ZNF227: variants seen among roughly 807,000 people sequenced by gnomAD.
ZNF227 encodes zinc finger protein 227.
Under a neutral mutation model 13.2 loss-of-function variants are expected in ZNF227, and 12 were observed. That is an observed-to-expected ratio of 0.91 (90% CI 0.58 to 1.47). The LOEUF is 1.47. ZNF227 is among the 40% of genes most tolerant of loss of function. The pLI is 0.00. For missense variants in ZNF227, 885 were observed against 967.5 expected (o/e 0.91, Z 1.13); for synonymous variants, 338 against 326.0 (o/e 1.04, Z -0.40).
chr19:44,213,255 T>G lies in ZNF227; in HGVS notation c.-3+11T>G, dbSNP rs1971516917. On this transcript the variant is annotated intron_variant, in intron 2 of 5. Transcript: ENST00000313040. ...CCAGCATAGCCCCAGGTACCTGCTC[T>G]TGAACGCACTTTGTTGTTCCATTTT... 1 of 152,236 alleles carries G rather than the reference T, an allele frequency of 6.6e-6. No individual in the cohort carries two copies. Among genetic ancestry groups the G allele is most frequent in the African/African-American group, 2.4e-5 (1 of 41,468 alleles). The allele number at this position is 152,236 out of a possible 1,614,324, so 9.4% of individuals were successfully genotyped here.
upstream of ZNF227, among the ~76,000 whole-genome samples, chr19:44,208,798 T>A (rs1016527773): frequency 6.6e-5 from 10 of 152,210 alleles, no homozygotes; most frequent in Non-Finnish European, 1.2e-4. Flanking sequence ...TGGAAGGTGA[T>A]CTGGGGCTTT....
chr19:44,224,952 G>C (rs1231888861), intron 3 of ZNF227, among the ~76,000 whole-genome samples: 4 of 152,110 alleles, frequency 2.6e-5, no homozygotes, highest in Non-Finnish European at 5.9e-5. Context: ...AGGTCTTTTA[G>C]GGCAGGCCTG....
chr19:44,212,754 C>T (rs558206725), intron 1 of ZNF227, 169 bp downstream of exon 1: 17 of 152,306 alleles, frequency 1.1e-4, no homozygotes, highest in African/African-American at 4.1e-4. Flanking sequence ...CAAGCAGCGC[C>T]GCTAGTTCTG....
upstream of ZNF227, among the ~76,000 whole-genome samples, chr19:44,208,964 A>G (rs1971275452): frequency 6.6e-6 from 1 of 152,216 alleles, no homozygotes; most frequent in Admixed American, 6.5e-5. Flanking sequence ...AGTCCCAGCT[A>G]CTTGGGAGGC....
At chr19:44,217,757 G>A in intron 2 of ZNF227, 34 bp from the exon 3 acceptor site, 2 of 1,611,256 alleles carry the variant, frequency 1.2e-6, no homozygotes, top group Non-Finnish European at 1.7e-6. Context: ...CTAACAGCAG[G>A]CTTGTGTCTC....
At chr19:44,230,022 C>T (rs562281867) in intron 5 of ZNF227, among the ~76,000 whole-genome samples, 1 of 151,814 alleles carries the variant, frequency 6.6e-6, no homozygotes, top group African/African-American at 2.4e-5. Context: ...TTTTTTTAAT[C>T]TTTATTTTTT....
intron 4 of ZNF227, among the ~76,000 whole-genome samples, chr19:44,229,350 G>A (rs138868247): frequency 8.9e-4 from 136 of 152,244 alleles, no homozygotes; most frequent in Middle Eastern, 3.4e-3. Flanking sequence ...GGTGGCTTAC[G>A]CCTTTAATTG....
intron 3 of ZNF227, among the ~76,000 whole-genome samples, chr19:44,223,309 C>T (rs1005546377): frequency 3.9e-5 from 6 of 152,254 alleles, no homozygotes; most frequent in African/African-American, 1.4e-4. Context: ...CCCTCTTTTT[C>T]TATTGATTGG....
In ZNF227 at chr19:44,235,782, TA is replaced by T; in HGVS notation, c.1354del (p.Ile452TyrfsTer117). ...CGKGFSHNSP[L>X]ICHRRVHTGE... ...AAGGGCTTCAGCCACAATTCACCAT[TA>T]ATATGCCATCGGAGAGTCCACACAG... On this transcript the variant is annotated frameshift_variant, in exon 6 of 6. Coordinates refer to ENST00000313040, the MANE Select transcript of ZNF227 (RefSeq NM_182490.3). LOFTEE classifies it low-confidence loss of function (END_TRUNC). 2 of 1,613,744 alleles carry T rather than the reference TA, an allele frequency of 1.2e-6. No individual in the cohort carries two copies. Among genetic ancestry groups the T allele is most frequent in the Non-Finnish European group, 1.7e-6 (2 of 1,179,922 alleles).
chr19:44,220,947 A>G (rs1037612948), intron 3 of ZNF227, among the ~76,000 whole-genome samples: 58 of 152,038 alleles, frequency 3.8e-4, no homozygotes, highest in African/African-American at 1.4e-3. Context: ...GAGAATGATG[A>G]TTTCCAATTT....
chr19:44,235,803 A>T lies in ZNF227; in HGVS notation c.1373A>T (p.His458Leu). 6.2e-7 allele frequency: 1 copy of T among 1,614,028 alleles called. No individual in the cohort carries two copies. Among genetic ancestry groups the T allele is most frequent in the Non-Finnish European group, 8.5e-7 (1 of 1,179,994 alleles). Residue 458 changes from histidine to leucine, a missense_variant, in exon 6 of 6, where the codon CAC (histidine) becomes CTC (leucine). Transcript: ENST00000313040. The part of the protein sequence containing the change: ...NSPLICHRRV[H>L]TGEKPYKCEA... Reference sequence around the variant, plus strand: ...CCATTAATATGCCATCGGAGAGTCCACACAGGAGAGAAGCCATACAAGTGT... The same window carrying T: ...CCATTAATATGCCATCGGAGAGTCCTCACAGGAGAGAAGCCATACAAGTGT...
chr19:44,219,110 C>T (rs1413858483), intron 3 of ZNF227, among the ~76,000 whole-genome samples: 2 of 152,218 alleles, frequency 1.3e-5, no homozygotes, highest in Non-Finnish European at 2.9e-5. Flanking sequence ...TGGTCTTCAA[C>T]TCCTGACCTC....
intron 4 of ZNF227, 109 bp downstream of exon 4, chr19:44,228,681 C>T (rs767911322): frequency 6.6e-5 from 84 of 1,281,372 alleles, no homozygotes; most frequent in Admixed American, 1.2e-4. Flanking sequence ...CTCTTGAAGA[C>T]AAAAGGTTTT....
In ZNF227 at chr19:44,235,073, G is replaced by A. The variant is rs1298258707; in HGVS notation, c.643G>A (p.Glu215Lys). 2 of 1,613,856 alleles carry A rather than the reference G, an allele frequency of 1.2e-6. No individual in the cohort carries two copies. Among genetic ancestry groups the A allele is most frequent in the East Asian group, 2.2e-5 (1 of 44,878 alleles). The change falls in exon 6 of 6, where the codon GAG (glutamate) becomes AAG (lysine). Residue 215 changes from glutamate (E) to lysine (K), a missense_variant. By Grantham distance (56) the Glu-to-Lys change is moderately conservative. Transcript: ENST00000313040. ...EDFMKKSPFH[E>K]HIKTDTEPKP... ...CTTCATGAAGAAATCACCATTTCATGAGCATATTAAAACTGACACAGAACC... is the reference window on the plus strand; with the variant it reads ...CTTCATGAAGAAATCACCATTTCATAAGCATATTAAAACTGACACAGAACC...
At chr19:44,214,514 G>T (rs1007338123) in intron 2 of ZNF227, among the ~76,000 whole-genome samples, 3 of 152,070 alleles carry the variant, frequency 2.0e-5, no homozygotes, top group African/African-American at 7.2e-5. Flanking sequence ...GAGTAACTGG[G>T]TTACAGGTGT....
In ZNF227 at chr19:44,234,839, C is replaced by A; in HGVS notation, c.409C>A (p.Gln137Lys). ...LTRCLQGKSS[Q>K]LLQGDSIQVS... ...CAGGTGTCTTCAGGGGAAGAGTTCC[C>A]AGTTATTACAAGGTGACTCTATTCA... The change falls in exon 6 of 6, where the codon CAG becomes AAG. Residue 137 changes from glutamine to lysine, a missense_variant. By Grantham distance (53) the Gln-to-Lys change is moderately conservative (BLOSUM62 1). Transcript: ENST00000313040. 1 of 1,613,968 alleles carries A rather than the reference C, an allele frequency of 6.2e-7. No individual in the cohort carries two copies. The highest frequency in any genetic ancestry group is 1.3e-5 in the African/African-American group (1 of 74,980).
chr19:44,217,027 A>C (rs1255250578), intron 2 of ZNF227, among the ~76,000 whole-genome samples: 4 of 134,184 alleles, frequency 3.0e-5, no homozygotes, highest in Non-Finnish European at 4.5e-5. Flanking sequence ...CATTGGCGTG[A>C]TCTTGGCTCA....
chr19:44,222,195 A>C (rs1233464), intron 3 of ZNF227, among the ~76,000 whole-genome samples: 1 of 151,266 alleles, frequency 6.6e-6, no homozygotes, highest in Non-Finnish European at 1.5e-5. Flanking sequence ...GTCAGGTAGC[A>C]TGATGCCTCC....
At chr19:44,234,264 T>C (rs1458296447) in intron 5 of ZNF227, among the ~76,000 whole-genome samples, 2 of 152,346 alleles carry the variant, frequency 1.3e-5, no homozygotes, top group East Asian at 3.9e-4. Context: ...TCTATCAGGA[T>C]CTAAAATAGT....
Sources: allele counts gnomAD v4.1 joint callset (sites outside exome capture counted in the v4.1 genomes callset), GRCh38; gene constraint gnomAD v4.1.1; transcripts MANE v1.5; gene names NCBI Gene and HGNC (gene_info 2026-07-23, HGNC 2026-07-21).